OSBPL9: variants seen among roughly 807,000 people sequenced by gnomAD.
OSBPL9 encodes the protein oxysterol binding protein like 9.
Under a neutral mutation model 106.6 loss-of-function variants are expected in OSBPL9, and 40 were observed. The observed-to-expected ratio is 0.38, with a 90% CI of 0.29 to 0.49. The LOEUF (loss-of-function observed/expected upper bound fraction) is 0.49. OSBPL9 is among the 20% of genes least tolerant of loss of function. The pLI is 0.97. For missense variants in OSBPL9, 609 were observed against 887.2 expected, an observed-to-expected ratio of 0.69 and a Z score of 3.98; for synonymous variants, 269 against 295.4, an observed-to-expected ratio of 0.91 and a Z score of 0.92.
At chr1:51,753,621 AGTGATAT>A (rs1251340414) in intron 8 of OSBPL9, among the ~76,000 whole-genome samples, 2 of 152,228 alleles carry the variant, frequency 1.3e-5, no homozygotes, top group African/African-American at 4.8e-5. Context: ...GAGACCCCAC[AGTGATAT>A]GAGAAGATAG....
chr1:51,616,988 C>T, upstream of OSBPL9: 1 of 1,490,734 alleles, frequency 6.7e-7, no homozygotes, highest in Admixed American at 2.2e-5. Flanking sequence ...GCTGGAGCAT[C>T]TGCCGGCACC....
rs148855762 is a variant in OSBPL9, at chr1:51,762,764, T to C, written c.778+793T>C. ...GCGTTTTTCCTTTAACAAAGAACACTTAGAGCACTTTCCATGTTTGTAAAA... is the reference window on the plus strand; with the variant it reads ...GCGTTTTTCCTTTAACAAAGAACACCTAGAGCACTTTCCATGTTTGTAAAA... On this transcript the variant is annotated intron_variant, in intron 11 of 23. Coordinates refer to ENST00000428468, the MANE Select transcript of OSBPL9 (RefSeq NM_024586.6). 4.0e-3 allele frequency among the ~76,000 whole-genome samples: 611 copies of C among 152,352 alleles called. 5 individuals carry two copies. The highest frequency in any genetic ancestry group is 7.3e-3 in the Non-Finnish European group (500 of 68,040).
chr1:51,789,210 T>G lies in OSBPL9; in HGVS notation c.*1421T>G. On this transcript the variant is annotated 3_prime_UTR_variant, in exon 24 of 24. Transcript: ENST00000428468. ...AAACACATTTTAAAATACACATTGC[T>G]TCAGGCCAACGTGACTGCAGTTTAT... The G allele has an allele frequency of 1.3e-6, 2 of 1,598,222 alleles. No homozygotes were observed. The highest frequency in any genetic ancestry group is 1.7e-6 in the Non-Finnish European group (2 of 1,165,794).
At chr1:51,550,519 T>A in the OSBPL9 span, among the ~76,000 whole-genome samples, 3 of 152,252 alleles carry the variant, frequency 2.0e-5, no homozygotes, top group Non-Finnish European at 4.4e-5. Flanking sequence ...TATTTTATTT[T>A]ATTTATTTTT....
Position 51,620,867 on chromosome 1 carries a change from T to G in OSBPL9, c.111+3646T>G, listed in dbSNP as rs148549587. On this transcript the variant is annotated intron_variant, in intron 1 of 23. Coordinates refer to ENST00000428468, the MANE Select transcript of OSBPL9 (RefSeq NM_024586.6). ...ATTTAAAAAAATAAATCTATTTTATTTATTCATTTATTTTGATAAGACTGG... is the reference window on the plus strand; with the variant it reads ...ATTTAAAAAAATAAATCTATTTTATGTATTCATTTATTTTGATAAGACTGG... 9.9e-5 allele frequency among the ~76,000 whole-genome samples: 15 copies of G among 152,272 alleles called. No homozygotes were observed. The East Asian group carries it at 2.9e-3, about 29-fold the overall frequency.
At chr1:51,684,797 G>A (rs777209776) in intron 3 of OSBPL9, among the ~76,000 whole-genome samples, 15 of 152,154 alleles carry the variant, frequency 9.9e-5, no homozygotes, top group Non-Finnish European at 2.1e-4. Context: ...GCCTCCCAAA[G>A]TGTTGGGATT....
chr1:51,784,629 C>T, intron 20 of OSBPL9, 47 bp downstream of exon 20: 1 of 1,586,174 alleles, frequency 6.3e-7, no homozygotes, highest in South Asian at 1.1e-5. Flanking sequence ...TCTGAAATAA[C>T]TGCCTTTTGT....
chr1:51,751,691 A>C (rs1256079229), intron 8 of OSBPL9, among the ~76,000 whole-genome samples: 1 of 152,184 alleles, frequency 6.6e-6, no homozygotes, highest in Non-Finnish European at 1.5e-5. Flanking sequence ...CTTCTATTGA[A>C]GATTGGGGAA....
intron 1 of OSBPL9, among the ~76,000 whole-genome samples, chr1:51,631,295 G>A (rs138332464): frequency 1.6e-4 from 24 of 152,178 alleles, no homozygotes; most frequent in African/African-American, 4.6e-4. Flanking sequence ...TAATCTCAGC[G>A]CTTTGGGAAG....
rs1413259207 is a variant in OSBPL9 at position 51,785,888 on chromosome 1, T to C, written c.1908+2T>C. The stretch of plus-strand genomic sequence containing the variant: ...ATGTATGCAAAATATGCAACAGGGG[T>C]AAGATCCTCTATTTTGCCACTTGTT... On this transcript the variant is annotated splice_donor_variant, in intron 21 of 23. Transcript: ENST00000428468. LOFTEE classifies it high-confidence loss of function. 1 of 1,609,160 alleles carries C rather than the reference T, an allele frequency of 6.2e-7. No homozygotes were observed.
chr1:51,647,447 T>A (rs1330219291), intron 1 of OSBPL9, among the ~76,000 whole-genome samples: 1 of 152,216 alleles, frequency 6.6e-6, no homozygotes, highest in Non-Finnish European at 1.5e-5. Context: ...TGGAAAGTGT[T>A]CGCTCTTCTA....
In OSBPL9 at chr1:51,782,690, G is replaced by A. The variant is rs535568224; in HGVS notation, c.1513+47G>A. 95 of 1,548,838 alleles carry A rather than the reference G, an allele frequency of 6.1e-5. No homozygotes were observed. The African/African-American group carries it at 9.0e-4, about 15-fold the overall frequency. On this transcript the variant is annotated intron_variant, in intron 17 of 23. Transcript: ENST00000428468. ...CAACCTGTGCTCTCAAAACTATTCTGTCTAAAGAGGGTCATTAAAAGCGCC... is the reference window on the plus strand; with the variant it reads ...CAACCTGTGCTCTCAAAACTATTCTATCTAAAGAGGGTCATTAAAAGCGCC...
At chr1:51,660,916 C>A (rs1647103885) in intron 2 of OSBPL9, among the ~76,000 whole-genome samples, 1 of 152,140 alleles carries the variant, frequency 6.6e-6, no homozygotes, top group South Asian at 2.1e-4. Flanking sequence ...CTGTTAAGAA[C>A]AGGCTTTGGA....
intron 1 of OSBPL9, among the ~76,000 whole-genome samples, chr1:51,586,340 A>G (rs1380956144): frequency 2.0e-5 from 3 of 152,158 alleles, no homozygotes; most frequent in Non-Finnish European, 2.9e-5. Context: ...CAGTGACTAT[A>G]TATATAATTT....
chr1:51,596,680 T>C (rs1364561910), intron 1 of OSBPL9, among the ~76,000 whole-genome samples: 1 of 151,970 alleles, frequency 6.6e-6, no homozygotes, highest in Non-Finnish European at 1.5e-5. Context: ...TTCAGGAGGC[T>C]GAGGCAGGAG....
At chr1:51,544,506 CTT>C in the OSBPL9 span, among the ~76,000 whole-genome samples, 4 of 152,184 alleles carry the variant, frequency 2.6e-5, no homozygotes, top group Non-Finnish European at 4.4e-5. Context: ...ACACTTGACT[CTT>C]TGAGAATCAA....
chr1:51,563,623 A>G, the OSBPL9 span: 2 of 151,716 alleles, frequency 1.3e-5, no homozygotes, highest in African/African-American at 4.8e-5. Context: ...GACCCCCCTC[A>G]CCTTATACTT....
At chr1:51,708,425 A>C (rs1003161660) in intron 3 of OSBPL9, among the ~76,000 whole-genome samples, 19 of 151,924 alleles carry the variant, frequency 1.3e-4, no homozygotes, top group African/African-American at 4.6e-4. Context: ...TATCTGTTTT[A>C]CATTTGTTGT....
Position 51,750,108 on chromosome 1 carries a change from G to A in OSBPL9, c.493-37G>A, listed in dbSNP as rs748691948. 1.9e-5 allele frequency: 28 copies of A among 1,479,328 alleles called. No homozygotes were observed. The South Asian group carries it at 3.2e-4, about 17-fold the overall frequency. The allele number at this position is 1,479,328 out of a possible 1,614,324, so 91.6% of individuals were successfully genotyped here. On this transcript the variant is annotated intron_variant, in intron 7 of 23. Transcript: ENST00000428468. Reference sequence around the variant, plus strand: ...TTTAACATTATATATCCATTTATTTGAGCCAAGATCCTAAAATCAGTGTTT... The same window carrying A: ...TTTAACATTATATATCCATTTATTTAAGCCAAGATCCTAAAATCAGTGTTT...
Sources: gnomAD v4.1 joint callset for allele counts (sites outside exome capture counted in the v4.1 genomes callset) on GRCh38, gnomAD v4.1.1 for gene constraint, MANE v1.5 for transcripts, NCBI Gene and HGNC (gene_info 2026-07-23, HGNC 2026-07-21) for gene names.